LNP1: variants seen among roughly 807,000 people sequenced by gnomAD.
The protein encoded by LNP1 is leukemia NUP98 fusion partner 1.
LNP1 carries 12 observed loss-of-function variants against 14.5 expected under a neutral mutation model. The ratio of observed to expected loss-of-function variants is 0.83; its 90% confidence interval spans 0.53 to 1.34. The LOEUF (loss-of-function observed/expected upper bound fraction) is 1.34, where lower values mean the gene tolerates loss of function less well. Among genes scored for constraint, LNP1 ranks in the 40% most tolerant of loss-of-function variants. The pLI is 0.00. For missense variants in LNP1, 198 were observed against 210.9 expected (o/e 0.94, Z 0.38); for synonymous variants, 75 against 71.4 (o/e 1.05, Z -0.26).
intron 2 of LNP1, among the ~76,000 whole-genome samples, chr3:100,430,934 T>C (rs558241560): frequency 6.6e-6 from 1 of 152,324 alleles, no homozygotes; most frequent in South Asian, 2.1e-4. Context: ...AGCTTCAGGT[T>C]GCTAAAGTGA....
At chr3:100,432,325 A>G (rs1707251013) in intron 2 of LNP1, among the ~76,000 whole-genome samples, 1 of 152,044 alleles carries the variant, frequency 6.6e-6, no homozygotes, top group Non-Finnish European at 1.5e-5. Context: ...TTTCTAATAC[A>G]TCTTCATCAG....
chr3:100,418,623 T>C (rs1707112076), intron 1 of LNP1, among the ~76,000 whole-genome samples: 1 of 152,204 alleles, frequency 6.6e-6, no homozygotes, highest in South Asian at 2.1e-4. Context: ...GTTGTGTTTG[T>C]ATAGTGTTTA....
intron 2 of LNP1, among the ~76,000 whole-genome samples, chr3:100,449,702 C>T (rs11915339): frequency 6.6e-6 from 1 of 152,066 alleles, no homozygotes; most frequent in Non-Finnish European, 1.5e-5. Flanking sequence ...TAAATACAAA[C>T]ACACACACAT....
intron 1 of LNP1, among the ~76,000 whole-genome samples, chr3:100,402,875 C>A (rs1217772577): frequency 1.3e-5 from 2 of 152,264 alleles, no homozygotes; most frequent in East Asian, 3.9e-4. Context: ...GTTCCCCTCT[C>A]CAAAGGGAAT....
chr3:100,425,479 G>C (rs1707183714), intron 1 of LNP1, among the ~76,000 whole-genome samples: 1 of 152,166 alleles, frequency 6.6e-6, no homozygotes, highest in African/African-American at 2.4e-5. Flanking sequence ...CAGCATCCTG[G>C]AAAGGGATCA....
intron 1 of LNP1, among the ~76,000 whole-genome samples, chr3:100,428,271 C>T (rs576807353): frequency 1.1e-4 from 16 of 152,068 alleles, no homozygotes; most frequent in Non-Finnish European, 1.5e-4. Flanking sequence ...TGGTGGCTCA[C>T]GCGTGTAATC....
At chr3:100,410,650 A>G (rs1707023795) in intron 1 of LNP1, among the ~76,000 whole-genome samples, 1 of 152,226 alleles carries the variant, frequency 6.6e-6, no homozygotes, top group African/African-American at 2.4e-5. Flanking sequence ...CAGCCATCTC[A>G]TCAGAAGCCA....
chr3:100,442,575 A>G (rs542534891), intron 2 of LNP1, among the ~76,000 whole-genome samples: 1 of 152,252 alleles, frequency 6.6e-6, no homozygotes, highest in East Asian at 1.9e-4. Flanking sequence ...TAAGAGACAA[A>G]TGGTTGCATT....
rs572741705 is a variant in LNP1 at position 100,433,767 on chromosome 3, G to A, written c.156+3882G>A. On this transcript the variant is annotated intron_variant, in intron 2 of 3. Coordinates refer to ENST00000383693, the MANE Select transcript of LNP1 (RefSeq NM_001085451.2). ...TTTAATAATTGCCATTCTGACTGGTGTGAGATGGTATCTCATTGTGGTTTT... is the reference window on the plus strand; with the variant it reads ...TTTAATAATTGCCATTCTGACTGGTATGAGATGGTATCTCATTGTGGTTTT... 6.0e-4 allele frequency among the ~76,000 whole-genome samples: 92 copies of A among 152,300 alleles called. 1 individual carries two copies. Among genetic ancestry groups the A allele is most frequent in the African/African-American group, 2.1e-3 (88 of 41,558 alleles).
At chr3:100,446,796 G>A (rs1707392656) in intron 2 of LNP1, among the ~76,000 whole-genome samples, 1 of 152,184 alleles carries the variant, frequency 6.6e-6, no homozygotes, top group African/African-American at 2.4e-5. Context: ...CAAAGGATAT[G>A]AGCAGACACT....
chr3:100,454,661 G>A (rs962072425), intron 3 of LNP1, among the ~76,000 whole-genome samples: 2 of 152,178 alleles, frequency 1.3e-5, no homozygotes, highest in African/African-American at 2.4e-5. Flanking sequence ...GTGATAAAAT[G>A]TATTTCAGGG....
intron 2 of LNP1, among the ~76,000 whole-genome samples, chr3:100,438,375 C>T (rs1367400049): frequency 6.6e-6 from 1 of 152,060 alleles, no homozygotes; most frequent in East Asian, 1.9e-4. Context: ...TTTCCATAGC[C>T]CCCATACTCC....
intron 2 of LNP1, among the ~76,000 whole-genome samples, chr3:100,439,936 A>G (rs1232802818): frequency 6.6e-6 from 1 of 152,218 alleles, no homozygotes; most frequent in Non-Finnish European, 1.5e-5. Flanking sequence ...AAAGATATGC[A>G]TATGTTTGCC....
chr3:100,406,604 G>A lies in LNP1; in HGVS notation c.-34+4165G>A, dbSNP rs188008624. The stretch of plus-strand genomic sequence containing the variant: ...GGCTGGAGTGCAATGGCATGATCTC[G>A]GCTCACTGCAACCTCCGCCTCCCGG... On this transcript the variant is annotated intron_variant, in intron 1 of 3. Coordinates refer to ENST00000383693, the MANE Select transcript of LNP1 (RefSeq NM_001085451.2). 4.1e-3 allele frequency among the ~76,000 whole-genome samples: 618 copies of A among 151,986 alleles called. 3 individuals are homozygous for A. Among genetic ancestry groups the A allele is most frequent in the South Asian group, 7.9e-3 (38 of 4,812 alleles).
chr3:100,449,859 A>G (rs553517565), intron 2 of LNP1, among the ~76,000 whole-genome samples: 1 of 152,180 alleles, frequency 6.6e-6, no homozygotes, highest in African/African-American at 2.4e-5. Context: ...GTATCAAACC[A>G]GAAAGGGCTT....
intron 1 of LNP1, among the ~76,000 whole-genome samples, chr3:100,418,401 G>T (rs1382099283): frequency 6.6e-6 from 1 of 151,848 alleles, no homozygotes; most frequent in Non-Finnish European, 1.5e-5. Context: ...TTGAAATAGT[G>T]GCTACCAACA....
chr3:100,428,270 A>G (rs575654303), intron 1 of LNP1, among the ~76,000 whole-genome samples: 2 of 152,312 alleles, frequency 1.3e-5, no homozygotes, highest in African/African-American at 4.8e-5. Context: ...GTGGTGGCTC[A>G]CGCGTGTAAT....
Position 100,451,733 on chromosome 3 carries a change from C to G in LNP1, c.171C>G (p.Pro57=), listed in dbSNP as rs985047574. The G allele has an allele frequency of 1.3e-5, 21 of 1,608,868 alleles. No individual in the cohort carries two copies. Among genetic ancestry groups the G allele is most frequent in the Non-Finnish European group, 1.7e-5 (20 of 1,175,336 alleles). ...TGTATTCTCAGCTTCCTGTGCTTCCCAGAATTCCATCATCTGACTGCCATC... is the reference window on the plus strand; with the variant it reads ...TGTATTCTCAGCTTCCTGTGCTTCCGAGAATTCCATCATCTGACTGCCATC... ...TSLPCPLPVL[P]RIPSSDCHPR... Residue 57 remains proline (P), a synonymous_variant, in exon 3 of 4, where the codon CCC becomes CCG. Coordinates refer to ENST00000383693, the MANE Select transcript of LNP1 (RefSeq NM_001085451.2).
chr3:100,431,990 GTTTATATATATA>G (rs1707245958), intron 2 of LNP1, among the ~76,000 whole-genome samples: 4 of 94,946 alleles, frequency 4.2e-5, no homozygotes, highest in African/African-American at 1.5e-4. Flanking sequence ...ATGAGACCTT[GTTTATATATATA>G]TATATATATA....
Sources: allele counts gnomAD v4.1 joint callset (sites outside exome capture counted in the v4.1 genomes callset), GRCh38; gene constraint gnomAD v4.1.1; transcripts MANE v1.5; gene names NCBI Gene and HGNC (gene_info 2026-07-23, HGNC 2026-07-21).